The following SUGCT variants were observed in gnomAD, a reference collection of about 807,000 sequenced individuals.
SUGCT encodes succinyl-CoA:glutarate CoA-transferase.
In SUGCT, 41 loss-of-function variants were observed where a neutral mutation model predicts 55.0. The observed-to-expected ratio is 0.74, with a 90% confidence interval of 0.58 to 0.97. SUGCT has a LOEUF of 0.97. Among genes scored for constraint, SUGCT ranks in the 50% least tolerant of loss-of-function variants. The pLI, the probability that SUGCT is intolerant of heterozygous loss-of-function variation, is 0.00. For synonymous variants in SUGCT, 187 were observed against 200.4 expected (o/e 0.93, Z 0.56); for missense variants, 568 against 547.8 (o/e 1.04, Z -0.37).
the SUGCT span, among the ~76,000 whole-genome samples, chr7:40,881,259 T>G: frequency 6.6e-6 from 1 of 152,212 alleles, no homozygotes; most frequent in Non-Finnish European, 1.5e-5. Flanking sequence ...CGCTGCTATA[T>G]AGAACACAAC....
intron 12 of SUGCT, among the ~76,000 whole-genome samples, chr7:40,629,623 G>GA (rs1468329437): frequency 6.6e-6 from 1 of 152,162 alleles, no homozygotes; most frequent in African/African-American, 2.4e-5. Flanking sequence ...GAGTAACTGA[G>GA]ATGGGAATAA....
At chr7:40,506,760 TAATC>T (rs1333265755) in intron 12 of SUGCT, among the ~76,000 whole-genome samples, 1 of 152,150 alleles carries the variant, frequency 6.6e-6, no homozygotes, top group East Asian at 1.9e-4. Flanking sequence ...TTATCTCTAT[TAATC>T]TATCTTATAA....
chr7:40,475,025 G>C (rs1423624652), intron 11 of SUGCT, among the ~76,000 whole-genome samples: 1 of 152,154 alleles, frequency 6.6e-6, no homozygotes, highest in African/African-American at 2.4e-5. Flanking sequence ...TGAAGTCTAA[G>C]TTTTCACTCT....
At chr7:40,962,594 C>G in the SUGCT span, among the ~76,000 whole-genome samples, 5 of 150,804 alleles carry the variant, frequency 3.3e-5, no homozygotes, top group African/African-American at 1.2e-4. Context: ...CACACACACA[C>G]ACACACACAC....
At chr7:40,743,893 C>A (rs1787595998) in intron 12 of SUGCT, among the ~76,000 whole-genome samples, 1 of 151,946 alleles carries the variant, frequency 6.6e-6, no homozygotes, top group Admixed American at 6.6e-5. Flanking sequence ...AATAAAGATT[C>A]TTTTTTTAAA....
the SUGCT span, among the ~76,000 whole-genome samples, chr7:40,913,440 T>C: frequency 1.3e-5 from 2 of 152,186 alleles, no homozygotes; most frequent in Non-Finnish European, 2.9e-5. Flanking sequence ...ACAATCTAAA[T>C]AAAACAGTAC....
intron 13 of SUGCT, among the ~76,000 whole-genome samples, chr7:40,854,726 C>T (rs1216867641): frequency 6.6e-6 from 1 of 151,784 alleles, no homozygotes; most frequent in Non-Finnish European, 1.5e-5. Flanking sequence ...ACGATGAGGC[C>T]AGGAGTTTGA....
chr7:40,449,416 G>A (rs1789067512), intron 10 of SUGCT, 58 bp downstream of exon 10: 1 of 1,405,096 alleles, frequency 7.1e-7, no homozygotes, highest in Non-Finnish European at 1.0e-6. Context: ...GGAAAGTTCA[G>A]TTTTGCCCAG....
chr7:40,493,029 C>T (rs938272323), intron 11 of SUGCT, among the ~76,000 whole-genome samples: 3 of 152,068 alleles, frequency 2.0e-5, no homozygotes, highest in Non-Finnish European at 4.4e-5. Context: ...ATTATTAGTG[C>T]AAAAAATGAA....
intron 9 of SUGCT, among the ~76,000 whole-genome samples, chr7:40,400,862 A>G (rs967346875): frequency 1.3e-5 from 2 of 152,180 alleles, no homozygotes; most frequent in Non-Finnish European, 2.9e-5. Flanking sequence ...TGTACCCTAA[A>G]GGAGTGATGG....
At chr7:40,669,838 C>T (rs1326755302) in intron 12 of SUGCT, among the ~76,000 whole-genome samples, 17 of 151,332 alleles carry the variant, frequency 1.1e-4, no homozygotes, top group Admixed American at 1.1e-3. Context: ...TACTGGAGAC[C>T]AGGAAAGATA....
intron 13 of SUGCT, among the ~76,000 whole-genome samples, chr7:40,770,323 G>A (rs1789027536): frequency 6.6e-6 from 1 of 152,176 alleles, no homozygotes; most frequent in South Asian, 2.1e-4. Flanking sequence ...ATAGTCTGGA[G>A]GCGGGCAGTT....
chr7:40,797,721 C>A (rs1790617978), intron 13 of SUGCT, among the ~76,000 whole-genome samples: 1 of 152,228 alleles, frequency 6.6e-6, no homozygotes, highest in Non-Finnish European at 1.5e-5. Context: ...CATGAACCCC[C>A]CCCAAATAAA....
chr7:40,135,210 A>C, intron 1 of SUGCT, 90 bp downstream of exon 1: 3 of 1,391,412 alleles, frequency 2.2e-6, no homozygotes, highest in South Asian at 1.5e-5. Flanking sequence ...TTAGGGTCTG[A>C]AGTCTCTGCT....
chr7:40,866,540 A>G, the SUGCT span, among the ~76,000 whole-genome samples: 1 of 150,756 alleles, frequency 6.6e-6, no homozygotes, highest in Non-Finnish European at 1.5e-5. Flanking sequence ...AATGGCATTG[A>G]CACAGGCCAC....
chr7:40,541,968 C>T (rs1481531825), intron 12 of SUGCT, among the ~76,000 whole-genome samples: 1 of 152,030 alleles, frequency 6.6e-6, no homozygotes, highest in Non-Finnish European at 1.5e-5. Context: ...AGGGAGCTGT[C>T]ACAGGTAGGA....
At chr7:41,011,887 G>T in the SUGCT span, among the ~76,000 whole-genome samples, 2 of 151,420 alleles carry the variant, frequency 1.3e-5, no homozygotes, top group Non-Finnish European at 2.9e-5. Context: ...CCCCGAATCA[G>T]CTTGTTTTTT....
At chr7:40,883,728 A>G in the SUGCT span, among the ~76,000 whole-genome samples, 1 of 152,306 alleles carries the variant, frequency 6.6e-6, no homozygotes, top group East Asian at 1.9e-4. Flanking sequence ...GTTTTAATGT[A>G]TGAATTTTGT....
chr7:41,008,955 T>C, the SUGCT span, among the ~76,000 whole-genome samples: 2 of 152,072 alleles, frequency 1.3e-5, no homozygotes, highest in Admixed American at 1.3e-4. Flanking sequence ...TGCGAGAATA[T>C]GATGGTATCT....
Sources: allele counts gnomAD v4.1 joint callset (sites outside exome capture counted in the v4.1 genomes callset), GRCh38; gene constraint gnomAD v4.1.1; transcripts MANE v1.5; gene names NCBI Gene and HGNC (gene_info 2026-07-23, HGNC 2026-07-21).